DIP2C: variants seen among roughly 807,000 people sequenced by gnomAD.
The protein encoded by DIP2C is DIP2 acetate--CoA ligase C (putative).
Under a neutral mutation model 192.4 loss-of-function variants are expected in DIP2C, and 33 were observed. The observed-to-expected ratio is 0.17, with a 90% CI of 0.13 to 0.23. The LOEUF (loss-of-function observed/expected upper bound fraction) is 0.23, where lower values mean the gene tolerates loss of function less well. DIP2C is among the 10% of genes least tolerant of loss of function. DIP2C has a pLI of 1.00. For synonymous variants in DIP2C, 979 were observed against 864.1 expected (o/e 1.13, Z -2.33); for missense variants, 1,537 against 2,110.1 (o/e 0.73, Z 5.32).
intron 32 of DIP2C, among the ~76,000 whole-genome samples, chr10:293,010 C>G (rs1955569960): frequency 6.6e-6 from 1 of 152,242 alleles, no homozygotes; most frequent in Non-Finnish European, 1.5e-5. Context: ...TTCTCTACCC[C>G]AACAGAAGTG....
chr10:685,161 A>AATATATATAT (rs1222919501), intron 1 of DIP2C, among the ~76,000 whole-genome samples: 2 of 31,792 alleles, frequency 6.3e-5, no homozygotes, highest in African/African-American at 2.1e-4. Flanking sequence ...AAAAAAAAAA[A>AATATATATAT]ATATATATAT....
chr10:618,816 C>T (rs553099687), intron 1 of DIP2C, among the ~76,000 whole-genome samples: 2 of 152,364 alleles, frequency 1.3e-5, no homozygotes, highest in Admixed American at 6.5e-5. Context: ...CTCAGCCACA[C>T]GGCCACGTTC....
chr10:623,726 G>A (rs116706074), intron 1 of DIP2C, among the ~76,000 whole-genome samples: 3,592 of 137,912 alleles, frequency 0.026, 92 homozygotes, highest in Admixed American at 0.049. Flanking sequence ...GAGGAGGGGA[G>A]GAGGGGAGGG....
chr10:684,870 C>T (rs1409774402), intron 1 of DIP2C, among the ~76,000 whole-genome samples: 2 of 152,084 alleles, frequency 1.3e-5, no homozygotes, highest in Non-Finnish European at 2.9e-5. Context: ...CGGTGGCTCA[C>T]GCCTGTAATC....
chr10:615,959 GACC>G (rs1346475542), intron 1 of DIP2C, among the ~76,000 whole-genome samples: 3 of 152,134 alleles, frequency 2.0e-5, no homozygotes, highest in African/African-American at 4.8e-5. Context: ...TCACATTAAT[GACC>G]ACATGAGAAG....
At chr10:362,837 A>G in intron 21 of DIP2C, 146 bp from the exon 22 acceptor site, 2 of 958,210 alleles carry the variant, frequency 2.1e-6, no homozygotes, top group East Asian at 2.6e-5. Context: ...GGTAAGAGAA[A>G]GGATTTTCCT....
At chr10:486,601 G>T in intron 1 of DIP2C, 71 bp from the exon 2 acceptor site, 2 of 1,305,202 alleles carry the variant, frequency 1.5e-6, no homozygotes, top group Non-Finnish European at 1.1e-6. Context: ...CGGTGCCCAA[G>T]AAGACACAGT....
intron 6 of DIP2C, among the ~76,000 whole-genome samples, chr10:417,559 G>T (rs950666498): frequency 6.6e-6 from 1 of 152,162 alleles, no homozygotes; most frequent in Non-Finnish European, 1.5e-5. Flanking sequence ...GTTGGGCTCT[G>T]CCTCACGTGA....
intron 32 of DIP2C, among the ~76,000 whole-genome samples, chr10:293,006 A>C (rs1324427557): frequency 6.6e-6 from 1 of 152,186 alleles, no homozygotes; most frequent in Non-Finnish European, 1.5e-5. Flanking sequence ...AGCATTCTCT[A>C]CCCCAACAGA....
intron 3 of DIP2C, among the ~76,000 whole-genome samples, chr10:443,384 GGTTT>G (rs767127948): frequency 5.3e-5 from 8 of 152,114 alleles, no homozygotes; most frequent in Non-Finnish European, 8.8e-5. Context: ...TAATTATAAT[GGTTT>G]GTTTTGGTGC....
At chr10:513,376 G>C (rs569968430) in intron 1 of DIP2C, among the ~76,000 whole-genome samples, 1 of 152,312 alleles carries the variant, frequency 6.6e-6, no homozygotes, top group African/African-American at 2.4e-5. Context: ...ATTGTTTGTC[G>C]CGTGTTTCCC....
At chr10:465,535 C>G (rs1182583245) in intron 3 of DIP2C, among the ~76,000 whole-genome samples, 1 of 152,008 alleles carries the variant, frequency 6.6e-6, no homozygotes, top group Non-Finnish European at 1.5e-5. Flanking sequence ...AAGTTCTGGC[C>G]AGGGCAATCA....
Position 689,433 on chromosome 10 carries a change from C to T in DIP2C, c.85+61G>A. On this transcript the variant is annotated intron_variant, in intron 1 of 36. Transcript: ENST00000280886. This position sits in a 1 kb window ranked among gnomAD's most constrained non-coding sequence, Gnocchi z 6.1. ...CCGCCGCAGGCCCCGCGCCCCCAGC[C>T]CTCCGCGCGCGGCCCTCCCCGGTGA... 1.0e-6 allele frequency: 1 copy of T among 992,340 alleles called. No homozygotes were observed. The highest frequency in any genetic ancestry group is 3.9e-5 in the South Asian group (1 of 25,880). The allele number at this position is 992,340 out of a possible 1,614,324, so 61.5% of individuals were successfully genotyped here. A position where few individuals can be genotyped will look rare whatever the true frequency, so the allele number is the denominator to read the frequency against.
intron 26 of DIP2C, among the ~76,000 whole-genome samples, chr10:345,654 T>TGTC (rs1958420275): frequency 2.3e-5 from 1 of 43,286 alleles, no homozygotes. Context: ...CCGGGAACCC[T>TGTC]ACATACACCC....
At chr10:383,882 G>C (rs550253066) in intron 16 of DIP2C, 145 bp downstream of exon 16, 2 of 1,173,376 alleles carry the variant, frequency 1.7e-6, no homozygotes, top group Admixed American at 3.8e-5. Flanking sequence ...CTAAGATAAG[G>C]ATTAGAAAAA....
At chr10:374,411 G>C (rs1026045462) in intron 17 of DIP2C, among the ~76,000 whole-genome samples, 2 of 152,204 alleles carry the variant, frequency 1.3e-5, no homozygotes, top group Admixed American at 1.3e-4. Flanking sequence ...ATTGTGTTGT[G>C]GTTATATATT....
intron 17 of DIP2C, among the ~76,000 whole-genome samples, chr10:372,732 AGGCG>A (rs1364331950): frequency 5.3e-5 from 8 of 152,088 alleles, no homozygotes; most frequent in South Asian, 2.1e-4. Context: ...CCCAACACAC[AGGCG>A]GGCACAGAAG....
intron 1 of DIP2C, among the ~76,000 whole-genome samples, chr10:551,560 T>G (rs943773012): frequency 1.3e-5 from 2 of 152,154 alleles, no homozygotes; most frequent in Admixed American, 6.5e-5. Flanking sequence ...GTGCCTTCCC[T>G]CCTGCCAGGC....
intron 1 of DIP2C, among the ~76,000 whole-genome samples, chr10:595,066 G>A (rs900766070): frequency 6.6e-6 from 1 of 152,202 alleles, no homozygotes; most frequent in Non-Finnish European, 1.5e-5. Flanking sequence ...CGACCCGCAG[G>A]TCTTCTACAT....
Sources: gnomAD v4.1 joint callset for allele counts (sites outside exome capture counted in the v4.1 genomes callset) on GRCh38, gnomAD v4.1.1 for gene constraint, Gnocchi (gnomAD v3.1) non-coding constraint, MANE v1.5 for transcripts, NCBI Gene and HGNC (gene_info 2026-07-23, HGNC 2026-07-21) for gene names.